The following SLC38A1 variants were observed in gnomAD, a reference collection of about 807,000 sequenced individuals.
SLC38A1 encodes solute carrier family 38 member 1, also known as sodium-coupled neutral amino acid symporter 1.
Under a neutral mutation model 60.3 loss-of-function variants are expected in SLC38A1, and 18 were observed. That is an observed-to-expected ratio of 0.30 (90% CI 0.21 to 0.44). The LOEUF is 0.44. Ranked by LOEUF, SLC38A1 falls within the 20% of genes least tolerant of loss-of-function variation. The pLI, the probability that SLC38A1 is intolerant of heterozygous loss-of-function variation, is 1.00. For synonymous variants in SLC38A1, 196 were observed against 212.1 expected (o/e 0.92, Z 0.66); for missense variants, 448 against 587.2 (o/e 0.76, Z 2.45).
At chr12:46,203,178 T>TAAAAA in intron 11 of SLC38A1, 89 bp from the exon 12 acceptor site, 5 of 1,038,800 alleles carry the variant, frequency 4.8e-6, no homozygotes, top group Non-Finnish European at 7.3e-6. Flanking sequence ...TCTTTTTATC[T>TAAAAA]GACAGCTCTT....
At position 46,198,475 on chromosome 12, in the gene SLC38A1, C is replaced by G. The variant is rs1400682011; in HGVS notation, c.1122+150G>C. 6.9e-6 allele frequency: 4 copies of G among 579,922 alleles called. No homozygotes were observed. In the East Asian group the frequency reaches 1.2e-4, roughly 17 times the overall value. The allele number at this position is 579,922 out of a possible 1,614,324, so 35.9% of individuals were successfully genotyped here. On this transcript the variant is annotated intron_variant, in intron 14 of 16. Coordinates refer to ENST00000398637, the MANE Select transcript of SLC38A1 (RefSeq NM_030674.4). The stretch of plus-strand genomic sequence containing the variant: ...TGAATGCCACTTGCTTTTCAAAGAG[C>G]CTGAACCGAGTCTTGGGATCTTTCC...
intron 1 of SLC38A1, among the ~76,000 whole-genome samples, chr12:46,243,990 T>C (rs1941532255): frequency 6.6e-6 from 1 of 152,218 alleles, no homozygotes; most frequent in Non-Finnish European, 1.5e-5. Flanking sequence ...TTATCTGGCC[T>C]TAAGTCAATT....
rs369358993 is a variant in SLC38A1, at chr12:46,246,030, C to A, written c.-208-2716G>T. The stretch of plus-strand genomic sequence containing the variant: ...AAATATTATTTCTTGATCTCTGTCA[C>A]GGTCCGTTCAAAGAGGGCCAAATAG... On this transcript the variant is annotated intron_variant, in intron 1 of 16. Coordinates refer to ENST00000398637, the MANE Select transcript of SLC38A1 (RefSeq NM_030674.4). 3.9e-5 allele frequency among the ~76,000 whole-genome samples: 6 copies of A among 152,258 alleles called. No individual in the cohort carries two copies. The East Asian group carries it at 1.2e-3, about 29-fold the overall frequency.
In SLC38A1 at chr12:46,263,619, C is replaced by T. The variant is rs144412609; in HGVS notation, c.-209+4907G>A. Among the ~76,000 whole-genome samples the T allele has an allele frequency of 3.3e-3, 501 of 152,226 alleles. 3 individuals are homozygous for T. Among genetic ancestry groups the T allele is most frequent in the African/African-American group, 0.012 (480 of 41,534 alleles). ...GACCTGTCTGTCTCCTGCTCAGAGC[C>T]TCTTTCTCCTATACCTTGGTCCATA... is the stretch of plus-strand genomic sequence containing the variant. On this transcript the variant is annotated intron_variant, in intron 1 of 16. Transcript: ENST00000398637.
At chr12:46,210,554 G>A (rs1337097945) in intron 5 of SLC38A1, among the ~76,000 whole-genome samples, 1 of 152,020 alleles carries the variant, frequency 6.6e-6, no homozygotes, top group East Asian at 1.9e-4. Flanking sequence ...GTTTGGCTGT[G>A]TCCCCACCGA....
At chr12:46,224,732 A>C (rs1367804196) in intron 5 of SLC38A1, among the ~76,000 whole-genome samples, 1 of 152,216 alleles carries the variant, frequency 6.6e-6, no homozygotes, top group Non-Finnish European at 1.5e-5. Flanking sequence ...GAGGTAGGAG[A>C]GTCCTAAGTT....
chr12:46,224,694 C>T (rs1312545886), intron 5 of SLC38A1, among the ~76,000 whole-genome samples: 8 of 152,170 alleles, frequency 5.3e-5, no homozygotes, highest in Admixed American at 6.5e-5. Context: ...GCTGGTTTTA[C>T]AAGAGTCACA....
At chr12:46,206,262 A>T in intron 8 of SLC38A1, 100 bp from the exon 9 acceptor site, 3 of 596,632 alleles carry the variant, frequency 5.0e-6, no homozygotes, top group South Asian at 5.2e-5. Flanking sequence ...ATTTTTATTA[A>T]TTTTTACTAT....
chr12:46,190,846 G>A (rs1939115425), intron 16 of SLC38A1, among the ~76,000 whole-genome samples: 2 of 152,252 alleles, frequency 1.3e-5, no homozygotes, highest in South Asian at 2.1e-4. Flanking sequence ...TTTGTCAGAT[G>A]GGTAGACTGC....
chr12:46,183,600 T>A lies in SLC38A1; in HGVS notation c.*5370A>T, dbSNP rs1173676553. The A allele has an allele frequency of 6.6e-6, 1 of 152,118 alleles. No homozygotes were observed. Among genetic ancestry groups the A allele is most frequent in the Non-Finnish European group, 1.5e-5 (1 of 68,036 alleles). The allele number at this position is 152,118 out of a possible 1,614,324, so 9.4% of individuals were successfully genotyped here. A position where few individuals can be genotyped will look rare whatever the true frequency, so the allele number is the denominator to read the frequency against. ...TTCTTCTCCCCAGCTTCTGTTTTCA[T>A]ATGTACTGTGTAGTGGTATCAGTGT... On this transcript the variant is annotated 3_prime_UTR_variant, in exon 17 of 17. Transcript: ENST00000398637.
chr12:46,199,326 TGTGTGTGTG>T lies in SLC38A1; in HGVS notation c.1004-592_1004-584del, dbSNP rs1565752911. 1.2e-4 allele frequency among the ~76,000 whole-genome samples: 14 copies of T among 112,708 alleles called. 1 individual carries two copies. Among genetic ancestry groups the T allele is most frequent in the African/African-American group, 1.9e-4 (7 of 36,466 alleles). 73.9% of individuals were successfully genotyped at this position (112,708 alleles called of 152,430 possible). On this transcript the variant is annotated intron_variant, in intron 13 of 16. Transcript: ENST00000398637. Reference sequence around the variant, plus strand: ...ACTACTTTGTGTGTGTGTGTGTGTGTGTGTGTGTGTGTGTGTGTGTGTGTGTGTGTGTGT... The same window carrying T: ...ACTACTTTGTGTGTGTGTGTGTGTGTTGTGTGTGTGTGTGTGTGTGTGTGT...
In SLC38A1 at chr12:46,183,323, C is replaced by G. The variant is rs1400948480; in HGVS notation, c.*5647G>C. 1 of 152,124 alleles carries G rather than the reference C, an allele frequency of 6.6e-6. No homozygotes were observed. The highest frequency in any genetic ancestry group is 2.4e-5 in the African/African-American group (1 of 41,418). The allele number at this position is 152,124 out of a possible 1,614,324, so 9.4% of individuals were successfully genotyped here. A position where few individuals can be genotyped will look rare whatever the true frequency, so the allele number is the denominator to read the frequency against. On this transcript the variant is annotated 3_prime_UTR_variant, in exon 17 of 17. Coordinates refer to ENST00000398637, the MANE Select transcript of SLC38A1 (RefSeq NM_030674.4). ...CAGATGAAGTCTAAAGTACACTGGACTCTAGAGAGTGGATTACATACCAAC... is the reference window on the plus strand; with the variant it reads ...CAGATGAAGTCTAAAGTACACTGGAGTCTAGAGAGTGGATTACATACCAAC...
intron 16 of SLC38A1, among the ~76,000 whole-genome samples, chr12:46,191,050 G>A (rs1044971418): frequency 6.6e-6 from 1 of 152,132 alleles, no homozygotes; most frequent in Admixed American, 6.5e-5. Context: ...TTCTTCTAGG[G>A]TTGTTATGGT....
At chr12:46,252,135 A>G (rs919802665) in intron 1 of SLC38A1, among the ~76,000 whole-genome samples, 1 of 152,230 alleles carries the variant, frequency 6.6e-6, no homozygotes, top group Admixed American at 6.5e-5. Flanking sequence ...TGGCACATAT[A>G]CACCATGGAA....
intron 16 of SLC38A1, among the ~76,000 whole-genome samples, chr12:46,191,910 A>G (rs1201073345): frequency 2.6e-5 from 4 of 152,162 alleles, no homozygotes; most frequent in Admixed American, 6.5e-5. Context: ...CTCCTAATTG[A>G]ATACCATTTT....
intron 12 of SLC38A1, 128 bp from the exon 13 acceptor site, chr12:46,201,326 C>G (rs1405872076): frequency 1.4e-6 from 1 of 721,930 alleles, no homozygotes; most frequent in East Asian, 2.7e-5. Flanking sequence ...GCTGAAATTA[C>G]CCCTGGCAGT....
At chr12:46,218,496 G>A (rs1263305315) in intron 5 of SLC38A1, among the ~76,000 whole-genome samples, 1 of 152,092 alleles carries the variant, frequency 6.6e-6, no homozygotes, top group Non-Finnish European at 1.5e-5. Context: ...AGGAGAAATA[G>A]GCGGTTTAAG....
At chr12:46,258,084 A>G (rs1471985689) in intron 1 of SLC38A1, among the ~76,000 whole-genome samples, 1 of 152,186 alleles carries the variant, frequency 6.6e-6, no homozygotes, top group East Asian at 1.9e-4. Flanking sequence ...GTAAGCTGTC[A>G]TGGTGCTGGT....
intron 16 of SLC38A1, among the ~76,000 whole-genome samples, chr12:46,196,601 T>TG (rs1489394010): frequency 2.0e-5 from 3 of 152,196 alleles, no homozygotes; most frequent in African/African-American, 7.2e-5. Context: ...GTGATCATGT[T>TG]GGGGAACTGG....
Sources: allele counts gnomAD v4.1 joint callset (sites outside exome capture counted in the v4.1 genomes callset), GRCh38; gene constraint gnomAD v4.1.1; transcripts MANE v1.5; gene names NCBI Gene and HGNC (gene_info 2026-07-23, HGNC 2026-07-21).